DNAJC21: variants seen among roughly 807,000 people sequenced by gnomAD.
The protein encoded by DNAJC21 is dnaJ homolog subfamily C member 21.
A neutral mutation model predicts 72.4 loss-of-function variants in DNAJC21; 63 were observed. That is an observed-to-expected ratio of 0.87 (90% CI 0.71 to 1.07). The LOEUF is 1.07. DNAJC21 is among the 50% of genes least tolerant of loss of function. DNAJC21 has a pLI of 0.00. For missense variants in DNAJC21, 634 were observed against 644.8 expected (o/e 0.98, Z 0.18); for synonymous variants, 203 against 216.7 (o/e 0.94, Z 0.56).
chr5:34,930,109 C>G lies in DNAJC21; in HGVS notation c.97+193C>G, dbSNP rs374117857. 9.2e-5 allele frequency: 38 copies of G among 414,558 alleles called. No homozygotes were observed. The East Asian group carries it at 9.6e-4, about 10-fold the overall frequency. 25.7% of individuals were successfully genotyped at this position (414,558 alleles called of 1,614,324 possible). A position where few individuals can be genotyped will look rare whatever the true frequency, so the allele number is the denominator to read the frequency against. On this transcript the variant is annotated intron_variant, in intron 1 of 11. Coordinates refer to ENST00000648817, the MANE Select transcript of DNAJC21 (RefSeq NM_001012339.3). ...GGCGAAGCGCTCTGCCCTGGCGCAC[C>G]CCGGCTCACACCCCATCTCCTCATA...
At chr5:34,953,181 A>G (rs983386635) in intron 10 of DNAJC21, among the ~76,000 whole-genome samples, 1 of 152,016 alleles carries the variant, frequency 6.6e-6, no homozygotes, top group Non-Finnish European at 1.5e-5. Flanking sequence ...GGGGAACCAC[A>G]CTTCATGTCA....
At chr5:34,950,901 C>T (rs1002510628) in intron 10 of DNAJC21, 23 of 985,466 alleles carry the variant, frequency 2.3e-5, no homozygotes, top group Middle Eastern at 5.2e-4. Flanking sequence ...GTCTGACTTT[C>T]TTTTCCCCAT....
At chr5:34,951,813 C>T (rs1216202050) in intron 10 of DNAJC21, 34 of 985,436 alleles carry the variant, frequency 3.5e-5, no homozygotes, top group Non-Finnish European at 3.9e-5. Flanking sequence ...TGTGAGCTAC[C>T]GTGTCTGGCC....
chr5:34,940,309 A>G (rs1020765317), intron 6 of DNAJC21, among the ~76,000 whole-genome samples: 1 of 152,218 alleles, frequency 6.6e-6, no homozygotes, highest in African/African-American at 2.4e-5. Flanking sequence ...AATTAACACC[A>G]TATATTAAAC....
intron 9 of DNAJC21, among the ~76,000 whole-genome samples, chr5:34,946,711 T>G (rs1364250629): frequency 1.3e-5 from 2 of 152,146 alleles, no homozygotes; most frequent in African/African-American, 2.4e-5. Flanking sequence ...TCCAAACACC[T>G]TATAATTATT....
At position 34,956,775 on chromosome 5, in the gene DNAJC21, A is replaced by C. The variant is rs1765548854; in HGVS notation, c.*2061A>C. The C allele has an allele frequency of 6.6e-6, 1 of 152,188 alleles. No individual in the cohort carries two copies. Among genetic ancestry groups the C allele is most frequent in the South Asian group, 2.1e-4 (1 of 4,828 alleles). 9.4% of individuals were successfully genotyped at this position (152,188 alleles called of 1,614,324 possible). A position where few individuals can be genotyped will look rare whatever the true frequency, so the allele number is the denominator to read the frequency against. ...CAACCATAATTTTCAAGGGATCTTCATGGGTTGTGACTGGAAGCTGACCTT... is the reference window on the plus strand; with the variant it reads ...CAACCATAATTTTCAAGGGATCTTCCTGGGTTGTGACTGGAAGCTGACCTT... On this transcript the variant is annotated 3_prime_UTR_variant, in exon 12 of 12. Transcript: ENST00000648817.
chr5:34,950,118 T>C, intron 9 of DNAJC21, 52 bp from the exon 10 acceptor site: 3 of 1,521,818 alleles, frequency 2.0e-6, no homozygotes, highest in Non-Finnish European at 2.6e-6. Flanking sequence ...CATAAAAAGC[T>C]AGTAGTAGTA....
At chr5:34,929,982 C>T in intron 1 of DNAJC21, 66 bp downstream of exon 1, 2 of 1,294,316 alleles carry the variant, frequency 1.5e-6, no homozygotes, top group Non-Finnish European at 2.1e-6. Flanking sequence ...ACCTTCCCTT[C>T]CCCCGGGCGG....
rs372273435 is a variant in DNAJC21, at chr5:34,933,527, C to T, written c.98-288C>T. Among the ~76,000 whole-genome samples, 12 of 152,280 alleles carry T rather than the reference C, an allele frequency of 7.9e-5. 1 individual carries two copies. The highest frequency in any genetic ancestry group is 2.2e-4 in the African/African-American group (9 of 41,560). On this transcript the variant is annotated intron_variant, in intron 1 of 11. Coordinates refer to ENST00000648817, the MANE Select transcript of DNAJC21 (RefSeq NM_001012339.3). ...CTGACCTCAAGTAATCCACCTGCTTCGGCCTCCTAAAGTGCTGGGATTACA... is the reference window on the plus strand; with the variant it reads ...CTGACCTCAAGTAATCCACCTGCTTTGGCCTCCTAAAGTGCTGGGATTACA...
At chr5:34,937,946 T>C (rs1021108150) in intron 5 of DNAJC21, among the ~76,000 whole-genome samples, 16 of 152,000 alleles carry the variant, frequency 1.1e-4, no homozygotes, top group Admixed American at 9.2e-4. Context: ...AGGTGTAATA[T>C]GCCACCATGC....
intron 1 of DNAJC21, 43 bp downstream of exon 1, chr5:34,929,959 C>T (rs747006113): frequency 6.8e-7 from 1 of 1,477,128 alleles, no homozygotes; most frequent in East Asian, 2.7e-5. Context: ...TCGGAGAAGC[C>T]CGGCCCTCCC....
intron 10 of DNAJC21, chr5:34,951,160 G>C (rs1364809096): frequency 8.7e-5 from 86 of 985,314 alleles, no homozygotes; most frequent in Non-Finnish European, 9.8e-5. Context: ...CCTACAGTAT[G>C]ACTCTGGCTA....
Position 34,935,766 on chromosome 5 carries a change from A to G in DNAJC21, c.248A>G (p.Asp83Gly), listed in dbSNP as rs759849604. The G allele has an allele frequency of 1.9e-6, 3 of 1,614,056 alleles. No homozygotes were observed. Among genetic ancestry groups the G allele is most frequent in the Non-Finnish European group, 2.5e-6 (3 of 1,179,972 alleles). ...LKGGFDGEYQ[D>G]DSLDLLRYFT... ...GGTGGGTTTGATGGCGAATATCAAG[A>G]TGACAGCTTAGATTTGCTACGCTAT... The change falls in exon 3 of 12, where the codon GAT (aspartate) becomes GGT (glycine). Residue 83 changes from aspartate to glycine, a missense_variant. By Grantham distance (94) the Asp-to-Gly change is moderately conservative (BLOSUM62 -1). Coordinates refer to ENST00000648817, the MANE Select transcript of DNAJC21 (RefSeq NM_001012339.3).
chr5:34,932,700 C>G (rs927409015), intron 1 of DNAJC21, among the ~76,000 whole-genome samples: 1 of 152,232 alleles, frequency 6.6e-6, no homozygotes, highest in African/African-American at 2.4e-5. Context: ...CAACCACCAA[C>G]TCATGTGGTT....
chr5:34,958,276 T>G lies in DNAJC21; in HGVS notation c.*3562T>G, dbSNP rs1273457011. The stretch of plus-strand genomic sequence containing the variant: ...ACCAGTTAAAGTAGTGTGTGGCTGG[T>G]GCCAGTAGAGGTCAGTCAAGGGATC... On this transcript the variant is annotated 3_prime_UTR_variant, in exon 12 of 12. Coordinates refer to ENST00000648817, the MANE Select transcript of DNAJC21 (RefSeq NM_001012339.3). 2 of 152,170 alleles carry G rather than the reference T, an allele frequency of 1.3e-5. No individual in the cohort carries two copies. The highest frequency in any genetic ancestry group is 2.9e-5 in the Non-Finnish European group (2 of 68,036). The allele number at this position is 152,170 out of a possible 1,614,324, so 9.4% of individuals were successfully genotyped here.
At chr5:34,941,946 C>T (rs1048298436) in intron 7 of DNAJC21, among the ~76,000 whole-genome samples, 1 of 151,786 alleles carries the variant, frequency 6.6e-6, no homozygotes, top group East Asian at 1.9e-4. Context: ...ATAACTAGCC[C>T]CACATACTGT....
rs1765554171 is a variant in DNAJC21, at chr5:34,956,938, A to G, written c.*2224A>G. ...GATCATTATGAAAGTAAAATGAAGT[A>G]GTATATATGAAAATGCTTTTTAAAC... is the stretch of plus-strand genomic sequence containing the variant. On this transcript the variant is annotated 3_prime_UTR_variant, in exon 12 of 12. Coordinates refer to ENST00000648817, the MANE Select transcript of DNAJC21 (RefSeq NM_001012339.3). The G allele has an allele frequency of 6.6e-6, 1 of 152,244 alleles. No homozygotes were observed. The highest frequency in any genetic ancestry group is 2.4e-5 in the African/African-American group (1 of 41,462). The allele number at this position is 152,244 out of a possible 1,614,324, so 9.4% of individuals were successfully genotyped here.
Position 34,954,726 on chromosome 5 carries a change from G to T in DNAJC21, c.*12G>T. ...GTAAAAACAGATAGAGATTCTGCCT[G>T]TGCTTTTGTTTGACTGTCTCTAGAT... On this transcript the variant is annotated 3_prime_UTR_variant, in exon 12 of 12. Coordinates refer to ENST00000648817, the MANE Select transcript of DNAJC21 (RefSeq NM_001012339.3). 6.4e-7 allele frequency: 1 copy of T among 1,558,524 alleles called. No individual in the cohort carries two copies.
At chr5:34,951,358 A>C (rs1765358321) in intron 10 of DNAJC21, 1 of 985,298 alleles carries the variant, frequency 1.0e-6, no homozygotes, top group African/African-American at 1.7e-5. Flanking sequence ...ATTGAGTAGA[A>C]AGGCTGACAC....
Sources: gnomAD v4.1 joint callset for allele counts (sites outside exome capture counted in the v4.1 genomes callset) on GRCh38, gnomAD v4.1.1 for gene constraint, MANE v1.5 for transcripts, NCBI Gene and HGNC (gene_info 2026-07-23, HGNC 2026-07-21) for gene names.